Variants in GUCY2C observed in about 807,000 individuals in gnomAD.
GUCY2C encodes the protein guanylate cyclase 2C.
In GUCY2C, 118 loss-of-function variants were observed where a neutral mutation model predicts 131.1. The ratio of observed to expected loss-of-function variants is 0.90; its 90% CI spans 0.78 to 1.05. The LOEUF (loss-of-function observed/expected upper bound fraction) is 1.05. Among genes scored for constraint, GUCY2C ranks in the 50% least tolerant of loss-of-function variants. The pLI is 0.00. For synonymous variants in GUCY2C, 452 were observed against 457.8 expected, an observed-to-expected ratio of 0.99 and a Z score of 0.16; for missense variants, 1,161 against 1,304.4, an observed-to-expected ratio of 0.89 and a Z score of 1.69.
At chr12:14,638,592 T>G (rs1042670167) in intron 19 of GUCY2C, among the ~76,000 whole-genome samples, 2 of 152,164 alleles carry the variant, frequency 1.3e-5, no homozygotes, top group Non-Finnish European at 1.5e-5. Flanking sequence ...GAGGTCACTA[T>G]GTAAAGTGAA....
chr12:14,652,179 T>TTATTTATC, intron 13 of GUCY2C, 149 bp from the exon 14 acceptor site: 1 of 235,008 alleles, frequency 4.3e-6, no homozygotes, highest in South Asian at 1.7e-4. Context: ...ATTTATTTAT[T>TTATTTATC]TATTTATTTT....
chr12:14,669,589 A>G (rs1181633291), intron 10 of GUCY2C, 133 bp downstream of exon 10: 1 of 591,256 alleles, frequency 1.7e-6, no homozygotes, highest in African/African-American at 1.9e-5. Context: ...TACAAACTGG[A>G]CAGCAGGAAA....
At chr12:14,661,158 AGAAC>A in intron 10 of GUCY2C, 96 bp from the exon 11 acceptor site, 2 of 767,466 alleles carry the variant, frequency 2.6e-6, no homozygotes, top group Non-Finnish European at 4.5e-6. Context: ...AAGGGAAAAG[AGAAC>A]CCTTTAAAAA....
chr12:14,616,796 G>T (rs1946772878), intron 24 of GUCY2C, 69 bp from the exon 25 acceptor site: 6 of 852,208 alleles, frequency 7.0e-6, no homozygotes, highest in South Asian at 6.6e-5. Flanking sequence ...GTTGATTCAG[G>T]ATATCAACAA....
At chr12:14,678,763 G>A (rs966643334) in intron 6 of GUCY2C, among the ~76,000 whole-genome samples, 3 of 152,186 alleles carry the variant, frequency 2.0e-5, no homozygotes, top group African/African-American at 4.8e-5. Context: ...GTGAAGTCAC[G>A]TGATCTGGCT....
intron 10 of GUCY2C, among the ~76,000 whole-genome samples, chr12:14,666,517 G>T (rs1432616825): frequency 2.0e-5 from 3 of 152,026 alleles, no homozygotes; most frequent in African/African-American, 4.8e-5. Context: ...GGCGGATCAC[G>T]TGAGGTCAGG....
chr12:14,669,844 G>A lies in GUCY2C; in HGVS notation c.1171-11C>T. On this transcript the variant is annotated splice_polypyrimidine_tract_variant and intron_variant, in intron 9 of 26. Coordinates refer to ENST00000261170, the MANE Select transcript of GUCY2C (RefSeq NM_004963.4). Reference sequence around the variant, plus strand: ...CAAAAGAACCTTGTACTGTGTCAGGGCACAAAAAAGAAAAAGGATGAACAG... The same window carrying A: ...CAAAAGAACCTTGTACTGTGTCAGGACACAAAAAAGAAAAAGGATGAACAG... 2.6e-6 allele frequency: 3 copies of A among 1,157,012 alleles called. No individual in the cohort carries two copies. The highest frequency in any genetic ancestry group is 2.0e-4 in the Middle Eastern group (1 of 4,996). 71.7% of individuals were successfully genotyped at this position (1,157,012 alleles called of 1,614,324 possible). A position where few individuals can be genotyped will look rare whatever the true frequency, so the allele number is the denominator to read the frequency against.
chr12:14,651,447 A>AT lies in GUCY2C; in HGVS notation c.1669dup (p.Ile557AsnfsTer9). ...CTCACAGTATTCTATCACCCCGAAG[A>AT]TCATGGTATCAAGTTTCACTGTGCC... On this transcript the variant is annotated frameshift_variant, in exon 15 of 27. Coordinates refer to ENST00000261170, the MANE Select transcript of GUCY2C (RefSeq NM_004963.4). LOFTEE classifies it high-confidence loss of function. 8 of 1,605,520 alleles carry AT rather than the reference A, an allele frequency of 5.0e-6. No homozygotes were observed. The highest frequency in any genetic ancestry group is 6.8e-6 in the Non-Finnish European group (8 of 1,172,178).
At chr12:14,663,325 C>A (rs1250925042) in intron 10 of GUCY2C, among the ~76,000 whole-genome samples, 3 of 152,160 alleles carry the variant, frequency 2.0e-5, no homozygotes, top group Non-Finnish European at 4.4e-5. Context: ...TCTTTTTGCC[C>A]AGGCTGGCAT....
intron 1 of GUCY2C, 132 bp from the exon 2 acceptor site, chr12:14,688,195 TG>T: frequency 4.8e-6 from 3 of 626,282 alleles, no homozygotes; most frequent in Non-Finnish European, 8.6e-6. Flanking sequence ...CCTGAGCCCT[TG>T]TTTTACTCCT....
intron 19 of GUCY2C, among the ~76,000 whole-genome samples, chr12:14,636,256 C>A (rs573040503): frequency 2.0e-4 from 30 of 152,132 alleles, no homozygotes; most frequent in Non-Finnish European, 4.3e-4. Flanking sequence ...AGATAATACG[C>A]CATGATCAAG....
chr12:14,673,026 A>T (rs543817365), intron 8 of GUCY2C, 68 bp from the exon 9 acceptor site: 59 of 880,756 alleles, frequency 6.7e-5, no homozygotes, highest in South Asian at 6.1e-4. Context: ...TTGGATCATG[A>T]CAGAGAGTGT....
intron 17 of GUCY2C, among the ~76,000 whole-genome samples, chr12:14,641,714 G>A (rs1448682972): frequency 2.0e-5 from 3 of 152,138 alleles, no homozygotes; most frequent in Non-Finnish European, 2.9e-5. Context: ...CAAGGCAGGT[G>A]GATCACAAGG....
chr12:14,661,078 C>A lies in GUCY2C; in HGVS notation c.1283-16G>T, dbSNP rs112926992. 6.0e-4 allele frequency: 923 copies of A among 1,536,904 alleles called. 5 individuals are homozygous for A. The African/African-American group carries it at 0.012, about 20-fold the overall frequency. ...ATCTGAGGGCCTGTGGCGGAAAATG[C>A]GTTAGGAAGGACCTTAGACAAGAGA... On this transcript the variant is annotated splice_polypyrimidine_tract_variant and intron_variant, in intron 10 of 26. Transcript: ENST00000261170.
intron 2 of GUCY2C, 21 bp from the exon 3 acceptor site, chr12:14,686,246 A>G (rs1948467722): frequency 1.9e-6 from 3 of 1,549,194 alleles, no homozygotes; most frequent in Admixed American, 3.3e-5. Flanking sequence ...GAAAACAACA[A>G]TGAATTCCTA....
chr12:14,669,782 C>T lies in GUCY2C; in HGVS notation c.1222G>A (p.Asp408Asn). 1 of 1,606,832 alleles carries T rather than the reference C, an allele frequency of 6.2e-7. No individual in the cohort carries two copies. The highest frequency in any genetic ancestry group is 8.5e-7 in the Non-Finnish European group (1 of 1,174,468). The change falls in exon 10 of 27, where the codon GAT becomes AAT. Residue 408 changes from aspartate to asparagine, a missense_variant. Transcript: ENST00000261170. ...TTCCAAGTGAATGTGGGGCTCATATCCACAGGATAGGTCTTATTTACGTGG... is the reference window on the plus strand; with the variant it reads ...TTCCAAGTGAATGTGGGGCTCATATTCACAGGATAGGTCTTATTTACGTGG... ...DTHVNKTYPV[D>N]MSPTFTWKNS...
chr12:14,681,287 T>C, intron 5 of GUCY2C, 69 bp downstream of exon 5: 2 of 1,390,336 alleles, frequency 1.4e-6, no homozygotes, highest in South Asian at 2.4e-5. Context: ...TTTGTTGAAA[T>C]GACTTATAAG....
At chr12:14,656,674 T>C in intron 11 of GUCY2C, 57 bp from the exon 12 acceptor site, 1 of 860,600 alleles carries the variant, frequency 1.2e-6, no homozygotes. Context: ...GTCATTCAGC[T>C]TCTGAAGACT....
At chr12:14,691,368 C>T (rs1245290268) in intron 1 of GUCY2C, among the ~76,000 whole-genome samples, 2 of 152,154 alleles carry the variant, frequency 1.3e-5, no homozygotes, top group Non-Finnish European at 2.9e-5. Context: ...AGCTTCAGTA[C>T]TAAGCCCCAT....
Sources: gnomAD v4.1 joint callset for allele counts (sites outside exome capture counted in the v4.1 genomes callset) on GRCh38, gnomAD v4.1.1 for gene constraint, MANE v1.5 for transcripts, NCBI Gene and HGNC (gene_info 2026-07-23, HGNC 2026-07-21) for gene names.